The following LEKR1 variants were observed in gnomAD, a reference collection of about 807,000 sequenced individuals.
LEKR1 encodes protein LEKR1.
A neutral mutation model predicts 72.4 loss-of-function variants in LEKR1; 59 were observed. The observed-to-expected ratio is 0.82, with a 90% CI of 0.66 to 1.01. The LOEUF is 1.01. Among genes scored for constraint, LEKR1 ranks in the 50% least tolerant of loss-of-function variants. The probability of loss-of-function intolerance (pLI) is 0.00; values close to 1 mark genes in which losing one functional copy is unlikely to be tolerated. For synonymous variants in LEKR1, 257 were observed against 263.2 expected (o/e 0.98, Z 0.23); for missense variants, 728 against 759.2 (o/e 0.96, Z 0.48).
chr3:156,917,508 G>T (rs1454570955), intron 3 of LEKR1, among the ~76,000 whole-genome samples: 1 of 152,086 alleles, frequency 6.6e-6, no homozygotes, highest in Non-Finnish European at 1.5e-5. Flanking sequence ...CAGGGGGAAG[G>T]GTGGGGGGCC....
At chr3:157,029,593 A>G (rs1427003641) in intron 12 of LEKR1, among the ~76,000 whole-genome samples, 1 of 152,176 alleles carries the variant, frequency 6.6e-6, no homozygotes, top group Non-Finnish European at 1.5e-5. Flanking sequence ...TAGTATTATA[A>G]TTAAGACAAA....
chr3:156,983,612 C>T (rs1021345477), intron 7 of LEKR1, among the ~76,000 whole-genome samples: 19 of 151,970 alleles, frequency 1.3e-4, no homozygotes, highest in African/African-American at 4.3e-4. Context: ...GCCAGCTGGC[C>T]CCTCATCAAT....
intron 3 of LEKR1, among the ~76,000 whole-genome samples, chr3:156,900,157 C>T (rs959339684): frequency 2.0e-5 from 3 of 152,120 alleles, no homozygotes; most frequent in Non-Finnish European, 4.4e-5. Flanking sequence ...AAGATAGCAG[C>T]TGCTCCAGGA....
chr3:157,013,787 C>T (rs1733092624), intron 10 of LEKR1, among the ~76,000 whole-genome samples: 1 of 152,090 alleles, frequency 6.6e-6, no homozygotes, highest in South Asian at 2.1e-4. Context: ...ACATTTTCAT[C>T]TCCTTCTTGG....
At chr3:157,006,413 A>T (rs1345254871) in intron 9 of LEKR1, among the ~76,000 whole-genome samples, 1 of 152,246 alleles carries the variant, frequency 6.6e-6, no homozygotes, top group Admixed American at 6.5e-5. Context: ...AGGCATGTCA[A>T]ATAGTACAAC....
intron 6 of LEKR1, among the ~76,000 whole-genome samples, chr3:156,972,922 T>G (rs905263528): frequency 6.6e-6 from 1 of 152,092 alleles, no homozygotes; most frequent in African/African-American, 2.4e-5. Flanking sequence ...CAAATAAATA[T>G]ATCTTAATGA....
At chr3:156,972,960 G>A (rs527853960) in intron 6 of LEKR1, among the ~76,000 whole-genome samples, 5 of 152,106 alleles carry the variant, frequency 3.3e-5, no homozygotes, top group African/African-American at 4.8e-5. Context: ...TAACTAGTGT[G>A]AAACCTAGCT....
chr3:156,934,378 A>T lies in LEKR1; in HGVS notation c.559+6774A>T, dbSNP rs559773654. 2.4e-4 allele frequency among the ~76,000 whole-genome samples: 37 copies of T among 152,276 alleles called. 1 individual carries two copies. The highest frequency in any genetic ancestry group is 4.4e-4 in the Non-Finnish European group (30 of 68,010). On this transcript the variant is annotated intron_variant, in intron 5 of 12. Transcript: ENST00000356539. ...CATAGTCAGATTCCTGATAATATTT[A>T]TATTAGGTTTTGGAACCTCTGAGTA...
intron 11 of LEKR1, among the ~76,000 whole-genome samples, chr3:157,027,575 G>A (rs559187969): frequency 6.6e-6 from 1 of 152,082 alleles, no homozygotes; most frequent in East Asian, 1.9e-4. Context: ...CAGCACTTTG[G>A]GAGGCTGAGG....
chr3:156,975,585 A>G (rs1729621344), intron 6 of LEKR1, among the ~76,000 whole-genome samples: 1 of 152,160 alleles, frequency 6.6e-6, no homozygotes, highest in African/African-American at 2.4e-5. Flanking sequence ...TACCTTTTAT[A>G]TTTGTAGTTT....
intron 3 of LEKR1, among the ~76,000 whole-genome samples, chr3:156,918,882 C>A (rs544276087): frequency 4.6e-5 from 7 of 152,190 alleles, no homozygotes; most frequent in African/African-American, 1.7e-4. Context: ...GGTTTGTCTT[C>A]ACCAAAACTC....
At position 156,931,899 on chromosome 3, in the gene LEKR1, GGT is replaced by G. The variant is rs1467953441; in HGVS notation, c.559+4296_559+4297del. 6.7e-4 allele frequency among the ~76,000 whole-genome samples: 102 copies of G among 152,162 alleles called. 1 individual carries two copies. The highest frequency in any genetic ancestry group is 1.0e-4 in the Non-Finnish European group (7 of 67,990). On this transcript the variant is annotated intron_variant, in intron 5 of 12. Coordinates refer to ENST00000356539, the MANE Select transcript of LEKR1 (RefSeq NM_001004316.3). ...TAGAAATTCTTTATGTTTTGATAGG[GGT>G]TTTTATTACATAGTGGATGCATTTG...
chr3:157,044,941 A>AATG (rs1735644771), intron 12 of LEKR1, among the ~76,000 whole-genome samples: 1 of 152,202 alleles, frequency 6.6e-6, no homozygotes, highest in Non-Finnish European at 1.5e-5. Flanking sequence ...CTCTACAGCT[A>AATG]TTAACTATTG....
rs1397264449 is a variant in LEKR1 at position 156,826,380 on chromosome 3, A to AG, written c.-45+7dup. The AG allele has an allele frequency of 6.5e-6, 1 of 152,826 alleles. No homozygotes were observed. Among genetic ancestry groups the AG allele is most frequent in the African/African-American group, 2.4e-5 (1 of 41,438 alleles). 9.5% of individuals were successfully genotyped at this position (152,826 alleles called of 1,614,324 possible). A position where few individuals can be genotyped will look rare whatever the true frequency, so the allele number is the denominator to read the frequency against. On this transcript the variant is annotated splice_donor_region_variant and intron_variant, in intron 1 of 12. Coordinates refer to ENST00000356539, the MANE Select transcript of LEKR1 (RefSeq NM_001004316.3). ...ACCCGTCCTAGTCGAAGTCGAGGTGAGGGACGATGGCTTTCCTCAGCCTGG... is the reference window on the plus strand; with the variant it reads ...ACCCGTCCTAGTCGAAGTCGAGGTGAGGGGACGATGGCTTTCCTCAGCCTGG...
At chr3:156,916,571 T>C (rs991600256) in intron 3 of LEKR1, among the ~76,000 whole-genome samples, 4 of 152,152 alleles carry the variant, frequency 2.6e-5, no homozygotes, top group African/African-American at 9.6e-5. Flanking sequence ...GTTGTTGGTG[T>C]ATAGGAATAG....
At chr3:156,921,488 G>T (rs1392146240) in intron 4 of LEKR1, among the ~76,000 whole-genome samples, 1 of 152,016 alleles carries the variant, frequency 6.6e-6, no homozygotes, top group African/African-American at 2.4e-5. Context: ...TTTTACAAAT[G>T]CTTTGCACAT....
intron 9 of LEKR1, among the ~76,000 whole-genome samples, chr3:156,998,217 G>A (rs1368660261): frequency 1.3e-5 from 2 of 151,952 alleles, no homozygotes; most frequent in African/African-American, 4.8e-5. Flanking sequence ...GCATATTGTG[G>A]GTTAAAAAGT....
chr3:156,927,724 G>C, intron 5 of LEKR1, 120 bp downstream of exon 5: 2 of 345,292 alleles, frequency 5.8e-6, no homozygotes, highest in Non-Finnish European at 1.0e-5. Context: ...GTTATCACTT[G>C]TTAGAGTAGA....
chr3:156,984,872 T>C (rs1008759422), intron 7 of LEKR1, among the ~76,000 whole-genome samples: 1 of 151,964 alleles, frequency 6.6e-6, no homozygotes, highest in African/African-American at 2.4e-5. Flanking sequence ...TTTTTAAAGC[T>C]CTTACTTGGC....
Sources: gnomAD v4.1 joint callset for allele counts (sites outside exome capture counted in the v4.1 genomes callset) on GRCh38, gnomAD v4.1.1 for gene constraint, MANE v1.5 for transcripts, NCBI Gene and HGNC (gene_info 2026-07-23, HGNC 2026-07-21) for gene names.